The following FGF13 variants were observed in gnomAD, a reference collection of about 807,000 sequenced individuals.
The protein encoded by FGF13 is fibroblast growth factor homologous factor 2.
In FGF13, 2 loss-of-function variants were observed where a neutral mutation model predicts 19.5. The observed-to-expected ratio is 0.10, with a 90% CI of 0.04 to 0.32. The LOEUF is 0.32. FGF13 is among the 10% of genes least tolerant of loss of function. FGF13 has a pLI of 1.00. For missense variants in FGF13, 113 were observed against 192.7 expected (o/e 0.59, Z 2.45); for synonymous variants, 72 against 76.9 (o/e 0.94, Z 0.33).
chrX:138,869,925 C>T (rs1298718154), intron 1 of FGF13, among the ~76,000 whole-genome samples: 1 of 111,734 alleles, frequency 8.9e-6, no homozygotes, highest in Non-Finnish European at 1.9e-5. Context: ...GGTTAGAACC[C>T]GCTCCAAATT....
At chrX:139,029,269 T>C (rs1365656648) in intron 1 of FGF13, among the ~76,000 whole-genome samples, 1 of 111,778 alleles carries the variant, frequency 8.9e-6, no homozygotes, top group Non-Finnish European at 1.9e-5. Flanking sequence ...CCAAGAAGAT[T>C]CCTCTGGAAG....
rs745359063 is a variant in FGF13 at position 138,694,986 on chromosome X, AACACACACACACACAC to A, written c.402+7982_402+7997del. ...TCCCAGTGGATTATTTACTAGTTGA[AACACACACACACACAC>A]ACACACACACACACACACACACACA... On this transcript the variant is annotated intron_variant, in intron 3 of 4. Transcript: ENST00000315930. Among the ~76,000 whole-genome samples the A allele has an allele frequency of 1.8e-3, 151 of 84,755 alleles. 2 individuals are homozygous for A. The highest frequency in any genetic ancestry group is 0.015 in the East Asian group (39 of 2,666). 73.6% of individuals were successfully genotyped at this position (84,755 alleles called of 115,157 possible). A position where few individuals can be genotyped will look rare whatever the true frequency, so the allele number is the denominator to read the frequency against.
chrX:139,125,779 G>C (rs1302470700), intron 1 of FGF13, among the ~76,000 whole-genome samples: 3 of 111,224 alleles, frequency 2.7e-5, no homozygotes, highest in African/African-American at 9.8e-5. Context: ...CCTTAGAAAG[G>C]GATAGTCTGG....
intron 1 of FGF13, among the ~76,000 whole-genome samples, chrX:138,903,180 G>A (rs1434022984): frequency 9.0e-6 from 1 of 111,709 alleles, no homozygotes; most frequent in Non-Finnish European, 1.9e-5. Flanking sequence ...AAATGTTATT[G>A]TAGAAAGGAA....
intron 3 of FGF13, among the ~76,000 whole-genome samples, chrX:138,798,369 G>T (rs186402452): frequency 4.6e-4 from 52 of 112,133 alleles, no homozygotes; most frequent in Non-Finnish European, 8.6e-4. Context: ...TACATTGATT[G>T]ATTTGCATAT....
intron 3 of FGF13, among the ~76,000 whole-genome samples, chrX:138,841,041 G>C: frequency 9.0e-6 from 1 of 111,246 alleles, no homozygotes; most frequent in Middle Eastern, 4.6e-3. Flanking sequence ...GGAAGAAACA[G>C]AGTGTGGCTT....
intron 1 of FGF13, among the ~76,000 whole-genome samples, chrX:138,962,380 C>T (rs1194436161): frequency 2.7e-5 from 3 of 112,018 alleles, no homozygotes; most frequent in Non-Finnish European, 5.6e-5. Context: ...AATAGGAACA[C>T]TTTTACACTG....
chrX:138,992,416 G>A (rs752309192), intron 1 of FGF13, among the ~76,000 whole-genome samples: 1 of 111,307 alleles, frequency 9.0e-6, no homozygotes, highest in Admixed American at 9.6e-5. Context: ...TAGTTGGAAA[G>A]CCTTAAACAA....
At chrX:139,144,038 A>G (rs2083867479) in intron 1 of FGF13, among the ~76,000 whole-genome samples, 1 of 111,485 alleles carries the variant, frequency 9.0e-6, no homozygotes, top group South Asian at 3.8e-4. Flanking sequence ...TGAAGCCCAC[A>G]CACACCAAAG....
intron 1 of FGF13, among the ~76,000 whole-genome samples, chrX:138,999,288 G>A (rs995510278): frequency 2.7e-5 from 3 of 111,696 alleles, no homozygotes; most frequent in African/African-American, 9.8e-5. Context: ...AGAGAAAGAA[G>A]AGCAAACACA....
intron 1 of FGF13, among the ~76,000 whole-genome samples, chrX:138,885,700 AC>A (rs11428720): frequency 1.0e-5 from 1 of 98,591 alleles, no homozygotes; most frequent in Non-Finnish European, 2.1e-5. Context: ...GGCTTCTCTA[AC>A]CCCCCCCGCC....
chrX:139,111,322 G>A (rs1414306957), intron 1 of FGF13, among the ~76,000 whole-genome samples: 1 of 111,829 alleles, frequency 8.9e-6, no homozygotes, highest in Non-Finnish European at 1.9e-5. Flanking sequence ...ACATGGAAGA[G>A]GACGGGATAT....
intron 1 of FGF13, among the ~76,000 whole-genome samples, chrX:139,151,541 A>C (rs914440625): frequency 3.6e-5 from 4 of 112,232 alleles, no homozygotes; most frequent in Non-Finnish European, 7.5e-5. Flanking sequence ...TCCCATATCA[A>C]GCAGTAGTTA....
At chrX:139,153,400 C>T (rs185831562) in intron 1 of FGF13, among the ~76,000 whole-genome samples, 13 of 109,694 alleles carry the variant, frequency 1.2e-4, no homozygotes, top group East Asian at 2.9e-4. Context: ...TGAAGTCTGA[C>T]GACTGGCTCT....
intron 1 of FGF13, among the ~76,000 whole-genome samples, chrX:139,075,594 G>T (rs2083327007): frequency 9.0e-6 from 1 of 111,617 alleles, no homozygotes; most frequent in African/African-American, 3.3e-5. Flanking sequence ...ACCTGGCTCA[G>T]AGTGGGCTTA....
chrX:138,905,749 G>C, intron 1 of FGF13, among the ~76,000 whole-genome samples: 1 of 112,287 alleles, frequency 8.9e-6, no homozygotes, highest in South Asian at 3.7e-4. Flanking sequence ...GGTTGTTTAG[G>C]TCGTGGATCC....
chrX:138,760,563 T>C (rs1324542851), intron 3 of FGF13, among the ~76,000 whole-genome samples: 1 of 111,290 alleles, frequency 9.0e-6, no homozygotes, highest in Non-Finnish European at 1.9e-5. Context: ...AAGGAAAACA[T>C]TTACAGACAA....
At chrX:138,952,988 A>G (rs2091821748) in intron 1 of FGF13, among the ~76,000 whole-genome samples, 1 of 111,726 alleles carries the variant, frequency 9.0e-6, no homozygotes, top group South Asian at 3.8e-4. Flanking sequence ...TGGGACTGTC[A>G]ACTAGTTCAA....
chrX:139,041,132 C>T lies in FGF13; in HGVS notation c.-113+162284G>A, dbSNP rs780459883. Among the ~76,000 whole-genome samples the T allele has an allele frequency of 1.1e-4, 12 of 109,364 alleles. No homozygotes were observed. The South Asian group carries it at 4.8e-3, about 44-fold the overall frequency. 95.0% of individuals were successfully genotyped at this position (109,364 alleles called of 115,157 possible). ...CTTACTATCTGGGTGATGGGATGAT[C>T]TGTACAGTAAACCACCATGGCACAC... is the stretch of plus-strand genomic sequence containing the variant. On this transcript the variant is annotated intron_variant, in intron 1 of 2. Coordinates refer to the FGF13 transcript ENST00000421460.
Sources: gnomAD v4.1 joint callset for allele counts (sites outside exome capture counted in the v4.1 genomes callset) on GRCh38, gnomAD v4.1.1 for gene constraint, MANE v1.5 for transcripts, NCBI Gene and HGNC (gene_info 2026-07-23, HGNC 2026-07-21) for gene names.